ZSCAN5A: variants seen among roughly 807,000 people sequenced by gnomAD.
The protein encoded by ZSCAN5A is zinc finger and SCAN domain containing 5A.
Under a neutral mutation model 23.7 loss-of-function variants are expected in ZSCAN5A, and 12 were observed. The ratio of observed to expected loss-of-function variants is 0.51; its 90% CI spans 0.32 to 0.82. The LOEUF (loss-of-function observed/expected upper bound fraction) is 0.82. Ranked by LOEUF, ZSCAN5A falls within the 40% of genes least tolerant of loss-of-function variation. The pLI is 0.03. For missense variants in ZSCAN5A, 597 were observed against 617.9 expected (o/e 0.97, Z 0.36); for synonymous variants, 257 against 239.9 (o/e 1.07, Z -0.66).
At chr19:56,362,652 G>A (rs928370698) in intron 2 of ZSCAN5A, among the ~76,000 whole-genome samples, 1 of 152,160 alleles carries the variant, frequency 6.6e-6, no homozygotes, top group African/African-American at 2.4e-5. Flanking sequence ...GGCAGATCAC[G>A]AGGTCAGGAG....
intron 2 of ZSCAN5A, chr19:56,283,753 C>G (rs1283506638): frequency 6.6e-6 from 1 of 152,198 alleles, no homozygotes; most frequent in East Asian, 1.9e-4. Flanking sequence ...TCACGTAATT[C>G]CTTGGAGGTT....
In ZSCAN5A at chr19:56,221,832, A is replaced by T. The variant is rs764960786; in HGVS notation, c.1234T>A (p.Tyr412Asn). ...HQRTHTGERP[Y>N]TCDVCQKQFT... The stretch of plus-strand genomic sequence containing the variant: ...TGCTTCTGGCAGACGTCACACGTGT[A>T]GGGCCTCTCGCCAGTGTGGGTTCGC... Residue 412 changes from tyrosine to asparagine, a missense_variant, in exon 6 of 6, where the codon TAC (tyrosine) becomes AAC (asparagine). Tyr to Asn is a moderately radical substitution (Grantham distance 143). Transcript: ENST00000683990. 1.9e-6 allele frequency: 3 copies of T among 1,614,058 alleles called. No homozygotes were observed. The African/African-American group carries it at 4.0e-5, about 22-fold the overall frequency.
chr19:56,337,460 G>A (rs1158358559), intron 2 of ZSCAN5A, among the ~76,000 whole-genome samples: 4 of 152,186 alleles, frequency 2.6e-5, no homozygotes, highest in East Asian at 1.9e-4. Flanking sequence ...GGAGTGACCC[G>A]ATTTTCCAGA....
intron 2 of ZSCAN5A, chr19:56,282,448 G>C: frequency 1.0e-6 from 1 of 983,292 alleles, no homozygotes; most frequent in East Asian, 1.1e-4. Flanking sequence ...GTTCCCACTG[G>C]CTACCATCGG....
intron 2 of ZSCAN5A, among the ~76,000 whole-genome samples, chr19:56,261,685 G>A (rs911252816): frequency 6.6e-6 from 1 of 151,892 alleles, no homozygotes; most frequent in East Asian, 1.9e-4. Context: ...GAGAAAAAGG[G>A]GAGAAAAAGA....
chr19:56,254,691 G>A (rs2036579978), intron 2 of ZSCAN5A, among the ~76,000 whole-genome samples: 1 of 152,072 alleles, frequency 6.6e-6, no homozygotes, highest in African/African-American at 2.4e-5. Flanking sequence ...TGTATTAACA[G>A]TATACCAGGG....
chr19:56,303,128 T>C (rs2040456343), intron 2 of ZSCAN5A: 2 of 372,330 alleles, frequency 5.4e-6, no homozygotes, highest in South Asian at 1.5e-4. Context: ...AGGGGAAGCA[T>C]TCCAGAGAAA....
intron 2 of ZSCAN5A, among the ~76,000 whole-genome samples, chr19:56,278,618 T>C (rs2038444554): frequency 6.6e-6 from 1 of 152,172 alleles, no homozygotes; most frequent in African/African-American, 2.4e-5. Flanking sequence ...ACAAATTTCT[T>C]AGGGGAATTA....
intron 2 of ZSCAN5A, among the ~76,000 whole-genome samples, chr19:56,348,871 A>C (rs920179479): frequency 3.3e-5 from 5 of 152,188 alleles, no homozygotes; most frequent in African/African-American, 1.2e-4. Flanking sequence ...TCGAGGTATT[A>C]ACACACTTCA....
intron 2 of ZSCAN5A, among the ~76,000 whole-genome samples, chr19:56,233,010 C>CA (rs2034595762): frequency 6.6e-6 from 1 of 151,714 alleles, no homozygotes. Context: ...GACTTTATTC[C>CA]AAAAAAAATG....
At chr19:56,308,513 G>A (rs1411387689) in intron 2 of ZSCAN5A, among the ~76,000 whole-genome samples, 2 of 151,578 alleles carry the variant, frequency 1.3e-5, no homozygotes, top group African/African-American at 4.9e-5. Flanking sequence ...TAGTAGAGAT[G>A]AAGTTTCACC....
intron 2 of ZSCAN5A, among the ~76,000 whole-genome samples, chr19:56,238,032 C>A (rs984169822): frequency 6.9e-4 from 8 of 11,656 alleles, no homozygotes; most frequent in Admixed American, 2.6e-3. Flanking sequence ...AAACAAAAAG[C>A]AAGCCAGGAG....
At chr19:56,281,664 C>T in intron 2 of ZSCAN5A, 1 of 984,650 alleles carries the variant, frequency 1.0e-6, no homozygotes, top group African/African-American at 1.7e-5. Flanking sequence ...TGTTGATTCA[C>T]TGGCTCCTGG....
chr19:56,274,127 G>A (rs2038068458), intron 2 of ZSCAN5A, among the ~76,000 whole-genome samples: 1 of 152,106 alleles, frequency 6.6e-6, no homozygotes, highest in African/African-American at 2.4e-5. Flanking sequence ...ATTTGCAACT[G>A]GGGAATTGAG....
At chr19:56,262,388 C>T (rs958024000) in intron 2 of ZSCAN5A, among the ~76,000 whole-genome samples, 1 of 151,480 alleles carries the variant, frequency 6.6e-6, no homozygotes, top group African/African-American at 2.4e-5. Flanking sequence ...TTGTATGTTA[C>T]AGTATGCAGT....
At chr19:56,324,485 A>G (rs73052170) in intron 2 of ZSCAN5A, among the ~76,000 whole-genome samples, 14,065 of 152,098 alleles carry the variant, frequency 0.092, 1,090 homozygotes, top group African/African-American at 0.22. Context: ...CCAAAAAATA[A>G]TGGATGCTGG....
At chr19:56,231,955 A>G (rs935878387) in intron 2 of ZSCAN5A, among the ~76,000 whole-genome samples, 3 of 149,288 alleles carry the variant, frequency 2.0e-5, no homozygotes, top group Non-Finnish European at 4.5e-5. Flanking sequence ...GTCATTACAG[A>G]TCACGGACAG....
In ZSCAN5A at chr19:56,222,739, T is replaced by C. The variant is rs764941691; in HGVS notation, c.591A>G (p.Gly197=). 3.7e-6 allele frequency: 6 copies of C among 1,614,126 alleles called. No homozygotes were observed. Among genetic ancestry groups the C allele is most frequent in the Non-Finnish European group, 5.1e-6 (6 of 1,180,020 alleles). Residue 197 remains glycine (G), a splice_region_variant and synonymous_variant, in exon 5 of 6, where the codon GGA becomes GGG. Transcript: ENST00000683990. ...TACTCTTGTGTAGCAGAAAGTCCTC[T>C]CCCTGAAGAGGAAAAACCAAGAGTA... is the stretch of plus-strand genomic sequence containing the variant. ...PRVPALSRRQ[G]EDFLLHKSID...
At chr19:56,271,233 G>A (rs1417767982) in intron 2 of ZSCAN5A, among the ~76,000 whole-genome samples, 2 of 152,088 alleles carry the variant, frequency 1.3e-5, no homozygotes, top group Non-Finnish European at 2.9e-5. Flanking sequence ...TTATGCCAAC[G>A]GCCTCCAACC....
Sources: allele counts gnomAD v4.1 joint callset (sites outside exome capture counted in the v4.1 genomes callset), GRCh38; gene constraint gnomAD v4.1.1; transcripts MANE v1.5; gene names NCBI Gene and HGNC (gene_info 2026-07-23, HGNC 2026-07-21).